ATG7: variants seen among roughly 807,000 people sequenced by gnomAD.
ATG7 encodes ubiquitin-like modifier-activating enzyme ATG7.
In ATG7, 70 loss-of-function variants were observed where a neutral mutation model predicts 82.4. That is an observed-to-expected ratio of 0.85 (90% CI 0.70 to 1.04). The LOEUF is 1.04. Ranked by LOEUF, ATG7 falls within the 50% of genes least tolerant of loss-of-function variation. The pLI, the probability that ATG7 is intolerant of heterozygous loss-of-function variation, is 0.00. For missense variants in ATG7, 792 were observed against 864.3 expected (o/e 0.92, Z 1.05); for synonymous variants, 287 against 313.0 (o/e 0.92, Z 0.88).
intron 20 of ATG7, among the ~76,000 whole-genome samples, chr3:11,509,150 C>T (rs776860885): frequency 1.3e-5 from 2 of 151,914 alleles, no homozygotes; most frequent in South Asian, 4.2e-4. Flanking sequence ...TTTTTCTTTC[C>T]AAGTTAGTTA....
the ATG7 span, among the ~76,000 whole-genome samples, chr3:11,572,594 CCTGA>C: frequency 2.6e-5 from 4 of 152,200 alleles, no homozygotes; most frequent in Admixed American, 1.3e-4. Flanking sequence ...CCTCCTGCTA[CCTGA>C]CTGTCGTCCT....
At chr3:11,544,901 G>A (rs893507685) in intron 20 of ATG7, among the ~76,000 whole-genome samples, 3 of 152,208 alleles carry the variant, frequency 2.0e-5, no homozygotes, top group African/African-American at 7.2e-5. Context: ...CACGCAGCAC[G>A]CAGTCCCCTG....
chr3:11,450,972 A>G (rs1370303035), intron 20 of ATG7, among the ~76,000 whole-genome samples: 4 of 152,240 alleles, frequency 2.6e-5, no homozygotes, highest in Admixed American at 1.3e-4. Flanking sequence ...CAAGATCTGT[A>G]GAGAGACCTT....
intron 20 of ATG7, among the ~76,000 whole-genome samples, chr3:11,552,858 T>C (rs977386875): frequency 6.6e-6 from 1 of 152,190 alleles, no homozygotes; most frequent in East Asian, 1.9e-4. Context: ...TGAGCACCTA[T>C]GCCTCTTCCC....
chr3:11,391,648 A>G (rs1316899034), intron 19 of ATG7, among the ~76,000 whole-genome samples: 1 of 152,092 alleles, frequency 6.6e-6, no homozygotes, highest in Non-Finnish European at 1.5e-5. Flanking sequence ...TTTCTACCGC[A>G]GCTATAAATG....
Position 11,307,010 on chromosome 3 carries a change from T to G in ATG7, c.283T>G (p.Ser95Ala). Residue 95 changes from serine to alanine, a missense_variant, in exon 6 of 21, where the codon TCT (serine) becomes GCT (alanine). Physicochemically the swap from Ser to Ala is moderately conservative, Grantham distance 99 (BLOSUM62 1). Transcript: ENST00000693202. ...ACTGTATAACACCAACACACTCGAG[T>G]CTTTCAAGACTGCAGATAAGAAGCT... ...GTLYNTNTLESFKTADKKLLL... is the reference protein window; with the variant it reads ...GTLYNTNTLEAFKTADKKLLL... The G allele has an allele frequency of 6.2e-7, 1 of 1,613,722 alleles. No individual in the cohort carries two copies. The highest frequency in any genetic ancestry group is 8.5e-7 in the Non-Finnish European group (1 of 1,179,942).
intron 20 of ATG7, among the ~76,000 whole-genome samples, chr3:11,452,433 G>A (rs1257762491): frequency 6.7e-6 from 1 of 149,066 alleles, no homozygotes; most frequent in Non-Finnish European, 1.5e-5. Context: ...ATTAGATAGT[G>A]GTGATGGTTT....
chr3:11,400,408 AAAAT>A (rs2079723099), intron 19 of ATG7, among the ~76,000 whole-genome samples: 1 of 152,194 alleles, frequency 6.6e-6, no homozygotes, highest in Admixed American at 6.5e-5. Context: ...AAGACAACAG[AAAAT>A]AAATAGGGAC....
At chr3:11,280,498 T>G (rs1309048009) in intron 1 of ATG7, among the ~76,000 whole-genome samples, 2 of 152,196 alleles carry the variant, frequency 1.3e-5, no homozygotes, top group Non-Finnish European at 1.5e-5. Flanking sequence ...CCTATGCCCT[T>G]TCCAGTCTAG....
At chr3:11,368,523 G>A (rs1054878318) in intron 18 of ATG7, among the ~76,000 whole-genome samples, 2 of 152,138 alleles carry the variant, frequency 1.3e-5, no homozygotes, top group African/African-American at 2.4e-5. Flanking sequence ...TAGGCACAGT[G>A]GCTCACCCCT....
chr3:11,337,392 GCAGTGAGCC>G (rs1178146893), intron 11 of ATG7, among the ~76,000 whole-genome samples: 1 of 152,088 alleles, frequency 6.6e-6, no homozygotes, highest in East Asian at 1.9e-4. Context: ...GGCGGAGGTT[GCAGTGAGCC>G]AAGATAAGTG....
chr3:11,474,652 G>A (rs1290445737), intron 20 of ATG7, among the ~76,000 whole-genome samples: 1 of 152,150 alleles, frequency 6.6e-6, no homozygotes, highest in Non-Finnish European at 1.5e-5. Flanking sequence ...GAATTGGTGT[G>A]GAGGGTGGGA....
chr3:11,508,243 G>A (rs951823542), intron 20 of ATG7, among the ~76,000 whole-genome samples: 1 of 151,990 alleles, frequency 6.6e-6, no homozygotes, highest in Non-Finnish European at 1.5e-5. Flanking sequence ...CTAAGGTGGG[G>A]GGGTGTCCAA....
chr3:11,499,634 C>G (rs1054274865), intron 20 of ATG7, among the ~76,000 whole-genome samples: 9 of 151,636 alleles, frequency 5.9e-5, no homozygotes, highest in African/African-American at 2.2e-4. Context: ...GTAGTCCCAC[C>G]TACTCGGGAG....
intron 20 of ATG7, among the ~76,000 whole-genome samples, chr3:11,492,270 C>A (rs1286225256): frequency 1.3e-5 from 2 of 152,224 alleles, no homozygotes; most frequent in Admixed American, 1.3e-4. Context: ...CAAGGGAACT[C>A]CCTGACCCCT....
At chr3:11,286,896 C>G (rs1944168517) in intron 3 of ATG7, among the ~76,000 whole-genome samples, 2 of 129,144 alleles carry the variant, frequency 1.5e-5, no homozygotes, top group African/African-American at 2.8e-5. Context: ...TGAGCCACCG[C>G]ACCCAACCTT....
At chr3:11,405,256 C>T (rs944249802) in intron 19 of ATG7, among the ~76,000 whole-genome samples, 1 of 152,124 alleles carries the variant, frequency 6.6e-6, no homozygotes, top group Non-Finnish European at 1.5e-5. Flanking sequence ...TTTATAGAAG[C>T]TCTGACTCTA....
chr3:11,366,167 T>A (rs2076591536), intron 18 of ATG7, among the ~76,000 whole-genome samples: 1 of 137,416 alleles, frequency 7.3e-6, no homozygotes, highest in Non-Finnish European at 1.5e-5. Flanking sequence ...TGCAGTGAGC[T>A]AAGATCGCGC....
At chr3:11,374,503 T>A (rs954595920) in intron 18 of ATG7, among the ~76,000 whole-genome samples, 1 of 152,200 alleles carries the variant, frequency 6.6e-6, no homozygotes, top group Non-Finnish European at 1.5e-5. Flanking sequence ...CATAAATCTT[T>A]ATGAACTTGG....
Sources: allele counts gnomAD v4.1 joint callset (sites outside exome capture counted in the v4.1 genomes callset), GRCh38; gene constraint gnomAD v4.1.1; transcripts MANE v1.5; gene names NCBI Gene and HGNC (gene_info 2026-07-23, HGNC 2026-07-21).